TFIP11: variants seen among roughly 807,000 people sequenced by gnomAD.
TFIP11 encodes tuftelin interacting protein 11, also known as tuftelin-interacting protein 11.
A neutral mutation model predicts 96.8 loss-of-function variants in TFIP11; 86 were observed. The observed-to-expected ratio is 0.89, with a 90% CI of 0.75 to 1.06. The LOEUF (loss-of-function observed/expected upper bound fraction) is 1.06. Among genes scored for constraint, TFIP11 ranks in the 50% least tolerant of loss-of-function variants. TFIP11 has a pLI of 0.00. For missense variants in TFIP11, 881 were observed against 1,076.7 expected, an observed-to-expected ratio of 0.82 and a Z score of 2.54; for synonymous variants, 405 against 395.2, an observed-to-expected ratio of 1.02 and a Z score of -0.29.
chr22:26,496,440 TTG>T, intron 11 of TFIP11, 124 bp from the exon 12 acceptor site: 1 of 1,324,972 alleles, frequency 7.5e-7, no homozygotes, highest in Non-Finnish European at 1.0e-6. Context: ...CCACAGTCCT[TTG>T]TACATTGCCA....
At chr22:26,493,747 G>A (rs912350047) in intron 14 of TFIP11, 1 of 209,802 alleles carries the variant, frequency 4.8e-6, no homozygotes, top group Non-Finnish European at 9.8e-6. Context: ...GATTAAGGCT[G>A]AGCAATCACC....
At chr22:26,502,168 C>T in intron 7 of TFIP11, 116 bp from the exon 8 acceptor site, 2 of 1,328,544 alleles carry the variant, frequency 1.5e-6, no homozygotes, top group Admixed American at 1.9e-5. Context: ...TATTTACAAG[C>T]TCTATATGAA....
In TFIP11 at chr22:26,498,140, T is replaced by G. The variant is rs150608801; in HGVS notation, c.1436+729A>C. On this transcript the variant is annotated intron_variant, in intron 10 of 14. Coordinates refer to ENST00000407690, the MANE Select transcript of TFIP11 (RefSeq NM_012143.4). ...CAAGAATGGAAAACCAAACATCTTA[T>G]GTTCTCACTTATAAGTGGAAGCTAA... 6.2e-3 allele frequency among the ~76,000 whole-genome samples: 951 copies of G among 152,342 alleles called. 7 individuals carry two copies. The highest frequency in any genetic ancestry group is 9.5e-3 in the Non-Finnish European group (646 of 68,036).
chr22:26,503,930 C>CCTTCCTGAGTATA (rs1923109250), intron 6 of TFIP11, 137 bp from the exon 7 acceptor site: 1 of 1,153,384 alleles, frequency 8.7e-7, no homozygotes, highest in Non-Finnish European at 1.2e-6. Flanking sequence ...GAGCTATTCT[C>CCTTCCTGAGTATA]TGCCCTCAGA....
At position 26,510,301 on chromosome 22, in the gene TFIP11, G is replaced by A; in HGVS notation, c.-9-20C>T. 6.2e-7 allele frequency: 1 copy of A among 1,612,132 alleles called. No individual in the cohort carries two copies. Among genetic ancestry groups the A allele is most frequent in the Non-Finnish European group, 8.5e-7 (1 of 1,178,302 alleles). ...CAGTCACTAAAGGAAGAGACAAAAA[G>A]AGCACAGGCCGTAAGTCCTGGGGGC... is the stretch of plus-strand genomic sequence containing the variant. On this transcript the variant is annotated intron_variant, in intron 3 of 14. Coordinates refer to ENST00000407690, the MANE Select transcript of TFIP11 (RefSeq NM_012143.4).
At position 26,496,800 on chromosome 22, in the gene TFIP11, T is replaced by A; in HGVS notation, c.1526A>T (p.Asp509Val). The A allele has an allele frequency of 1.2e-6, 2 of 1,614,092 alleles. No homozygotes were observed. The highest frequency in any genetic ancestry group is 1.7e-6 in the Non-Finnish European group (2 of 1,180,018). Residue 509 changes from aspartate to valine, a missense_variant, in exon 11 of 15, where the codon GAT becomes GTT. Asp to Val is a radical substitution (Grantham distance 152). Transcript: ENST00000407690. Reference sequence around the variant, plus strand: ...CACAGGAATAATGTGCACCCAACTATCCAAAAAGTCCACCATCGGGTCACA... The same window carrying A: ...CACAGGAATAATGTGCACCCAACTAACCAAAAAGTCCACCATCGGGTCACA... ...RNCDPMVDFL[D>V]SWVHIIPVWI...
Position 26,494,266 on chromosome 22 carries a change from CTCA to C in TFIP11, c.2028_2030del (p.Tyr676_Glu677delinsTer). On this transcript the variant is annotated stop_gained and inframe_deletion, in exon 14 of 15. Transcript: ENST00000407690. LOFTEE classifies it high-confidence loss of function. Reference sequence around the variant, plus strand: ...AACCCAGGTACCACTTGGTGATCTCCTCATAATTTGGGCTGTTACTGAGCCAAG... The same window carrying C: ...AACCCAGGTACCACTTGGTGATCTCCTAATTTGGGCTGTTACTGAGCCAAG... 2 of 1,614,226 alleles carry C rather than the reference CTCA, an allele frequency of 1.2e-6. No individual in the cohort carries two copies. The highest frequency in any genetic ancestry group is 1.7e-6 in the Non-Finnish European group (2 of 1,180,050).
At chr22:26,506,733 T>A in intron 5 of TFIP11, 42 bp downstream of exon 5, 2 of 1,609,270 alleles carry the variant, frequency 1.2e-6, no homozygotes, top group South Asian at 2.2e-5. Flanking sequence ...CAATGACCTT[T>A]GAAGGATATT....
At chr22:26,503,914 G>C (rs1923107548) in intron 6 of TFIP11, 121 bp from the exon 7 acceptor site, 2 of 1,306,664 alleles carry the variant, frequency 1.5e-6, no homozygotes, top group Non-Finnish European at 2.1e-6. Flanking sequence ...TGCTACTCAG[G>C]AAGGAGAGCT....
At chr22:26,495,875 G>A (rs1921952890) in intron 12 of TFIP11, among the ~76,000 whole-genome samples, 198 bp downstream of exon 12, 1 of 152,100 alleles carries the variant, frequency 6.6e-6, no homozygotes, top group Admixed American at 6.6e-5. Context: ...AGTGACTGTT[G>A]TAAATAAACA....
chr22:26,509,289 C>T lies in TFIP11; in HGVS notation c.209+775G>A, dbSNP rs181468109. Among the ~76,000 whole-genome samples, 6 of 152,294 alleles carry T rather than the reference C, an allele frequency of 3.9e-5. No homozygotes were observed. In the East Asian group the frequency reaches 1.2e-3, roughly 29 times the overall value. On this transcript the variant is annotated intron_variant, in intron 4 of 14. Coordinates refer to ENST00000407690, the MANE Select transcript of TFIP11 (RefSeq NM_012143.4). ...CCTTTGCATATTGGGACCTCTTCTA[C>T]CACCCTAGTTACCTTCTACTGTCAG...
chr22:26,491,998 T>C lies in TFIP11; in HGVS notation c.*15A>G, dbSNP rs766014682. 5.8e-5 allele frequency: 92 copies of C among 1,574,112 alleles called. No homozygotes were observed. The East Asian group carries it at 1.0e-3, about 18-fold the overall frequency. The stretch of plus-strand genomic sequence containing the variant: ...TTAGGGGCAAGTCTCTGACTGGTTC[T>C]GGACCTGCCACAGTTCACTTGGCCA... On this transcript the variant is annotated 3_prime_UTR_variant, in exon 15 of 15. Transcript: ENST00000407690.
chr22:26,499,740 A>G (rs1377191346), intron 8 of TFIP11, 109 bp from the exon 9 acceptor site: 14 of 1,168,688 alleles, frequency 1.2e-5, no homozygotes, highest in Non-Finnish European at 1.7e-5. Flanking sequence ...AAACCACATT[A>G]TTCAACAGAG....
At chr22:26,506,706 A>G (rs1354876682) in intron 5 of TFIP11, 69 bp downstream of exon 5, 2 of 1,575,774 alleles carry the variant, frequency 1.3e-6, no homozygotes, top group African/African-American at 2.7e-5. Context: ...CTCCCTGGCT[A>G]GAAAATGCTT....
Position 26,494,212 on chromosome 22 carries a change from C to T in TFIP11, c.2085G>A (p.Leu695=). ...GWKSMFSDQV[L]AHPSVKDKFN... Reference sequence around the variant, plus strand: ...ATTTGTCCTTGACAGATGGATGTGCCAGCACTTGGTCTGAGAACATCGACT... The same window carrying T: ...ATTTGTCCTTGACAGATGGATGTGCTAGCACTTGGTCTGAGAACATCGACT... The change falls in exon 14 of 15, where the codon CTG becomes CTA. Residue 695 remains leucine, a synonymous_variant. Transcript: ENST00000407690. The T allele has an allele frequency of 6.2e-7, 1 of 1,614,166 alleles. No homozygotes were observed. Among genetic ancestry groups the T allele is most frequent in the Non-Finnish European group, 8.5e-7 (1 of 1,180,048 alleles).
intron 7 of TFIP11, 39 bp from the exon 8 acceptor site, chr22:26,502,091 A>G: frequency 6.2e-7 from 1 of 1,613,234 alleles, no homozygotes; most frequent in Non-Finnish European, 8.5e-7. Flanking sequence ...GCAAGGAACA[A>G]CCACTTTTTA....
intron 4 of TFIP11, among the ~76,000 whole-genome samples, chr22:26,508,203 T>TA: frequency 6.6e-6 from 1 of 152,318 alleles, no homozygotes; most frequent in East Asian, 1.9e-4. Flanking sequence ...CAACAGAATT[T>TA]AGGGAGTTTT....
At chr22:26,500,878 CTTTTT>C (rs397958538) in intron 8 of TFIP11, among the ~76,000 whole-genome samples, 4 of 102,060 alleles carry the variant, frequency 3.9e-5, no homozygotes, top group Non-Finnish European at 5.6e-5. Flanking sequence ...TAACGGAAAA[CTTTTT>C]TTTTTTTTTT....
intron 2 of TFIP11, among the ~76,000 whole-genome samples, chr22:26,511,498 T>C (rs1363711175): frequency 6.6e-6 from 1 of 152,204 alleles, no homozygotes; most frequent in East Asian, 1.9e-4. Flanking sequence ...TCATTATTAT[T>C]ATGGGACTAG....
Sources: allele counts gnomAD v4.1 joint callset (sites outside exome capture counted in the v4.1 genomes callset), GRCh38; gene constraint gnomAD v4.1.1; transcripts MANE v1.5; gene names NCBI Gene and HGNC (gene_info 2026-07-23, HGNC 2026-07-21).